ASIC2: variants seen among roughly 807,000 people sequenced by gnomAD.
ASIC2 encodes the protein acid-sensing ion channel 2.
A neutral mutation model predicts 57.3 loss-of-function variants in ASIC2; 25 were observed. That is an observed-to-expected ratio of 0.44 (90% CI 0.32 to 0.61). The LOEUF is 0.61. Among genes scored for constraint, ASIC2 ranks in the 20% least tolerant of loss-of-function variants. ASIC2 has a pLI of 0.06. For missense variants in ASIC2, 641 were observed against 738.1 expected, an observed-to-expected ratio of 0.87 and a Z score of 1.52; for synonymous variants, 319 against 307.5, an observed-to-expected ratio of 1.04 and a Z score of -0.39.
At chr17:33,123,648 C>A (rs1253265070) in intron 1 of ASIC2, among the ~76,000 whole-genome samples, 2 of 152,216 alleles carry the variant, frequency 1.3e-5, no homozygotes, top group Non-Finnish European at 2.9e-5. Context: ...TTGCAAAACT[C>A]TGCATTACTC....
intron 1 of ASIC2, among the ~76,000 whole-genome samples, chr17:34,044,507 C>T (rs984196358): frequency 8.5e-5 from 13 of 152,130 alleles, no homozygotes; most frequent in Non-Finnish European, 5.9e-5. Flanking sequence ...GCCAGGCGTT[C>T]CTAAAATGGT....
At chr17:33,112,748 G>C (rs765485698) in intron 1 of ASIC2, 1 of 152,018 alleles carries the variant, frequency 6.6e-6, no homozygotes, top group Non-Finnish European at 1.5e-5. Context: ...AGCGTTTTTT[G>C]ACTGCATCAC....
At chr17:33,155,022 T>C (rs9895456) in intron 1 of ASIC2, among the ~76,000 whole-genome samples, 58,726 of 152,032 alleles carry the variant, frequency 0.39, 11,783 homozygotes, top group African/African-American at 0.5. Context: ...TGCTGAGTTG[T>C]TGGCGGCGGC....
intron 1 of ASIC2, among the ~76,000 whole-genome samples, chr17:33,429,184 A>T (rs910757670): frequency 6.7e-6 from 1 of 149,014 alleles, no homozygotes; most frequent in African/African-American, 2.5e-5. Flanking sequence ...CATTTTAGAC[A>T]TTTTTTTTTT....
intron 1 of ASIC2, among the ~76,000 whole-genome samples, chr17:33,640,174 G>A (rs1324576800): frequency 1.3e-5 from 2 of 152,084 alleles, no homozygotes; most frequent in African/African-American, 2.4e-5. Flanking sequence ...TAAGAAAGAG[G>A]AAAGGCTGAA....
chr17:33,982,408 C>T (rs564822388), intron 1 of ASIC2, among the ~76,000 whole-genome samples: 153 of 152,300 alleles, frequency 1.0e-3, no homozygotes, highest in South Asian at 6.0e-3. Context: ...GTAACTTATG[C>T]TGGTGGGCCT....
At chr17:33,772,591 G>A (rs7211916) in intron 1 of ASIC2, among the ~76,000 whole-genome samples, 12,161 of 152,228 alleles carry the variant, frequency 0.08, 562 homozygotes, top group East Asian at 0.22. Flanking sequence ...TATGTAGTAT[G>A]TATACCTATA....
chr17:33,565,498 A>C (rs1916205668), intron 1 of ASIC2, among the ~76,000 whole-genome samples: 1 of 152,164 alleles, frequency 6.6e-6, no homozygotes, highest in Non-Finnish European at 1.5e-5. Context: ...GTTGTTTTCC[A>C]GAACAGTCCT....
chr17:33,563,528 G>A (rs1916141266), intron 1 of ASIC2, among the ~76,000 whole-genome samples: 1 of 152,314 alleles, frequency 6.6e-6, no homozygotes, highest in East Asian at 1.9e-4. Context: ...ACTAAATGCT[G>A]AAGGTACTCT....
chr17:33,701,410 A>C lies in ASIC2; in HGVS notation c.555+454568T>G, dbSNP rs891774447. Among the ~76,000 whole-genome samples the C allele has an allele frequency of 2.6e-5, 4 of 152,234 alleles. No homozygotes were observed. The South Asian group carries it at 8.3e-4, about 31-fold the overall frequency. On this transcript the variant is annotated intron_variant, in intron 1 of 9. Coordinates refer to the ASIC2 transcript ENST00000359872. ...AATCAGTAAATAAATAGCTTGCTGA[A>C]AATCAATAAATAAGGAAATAATTGT...
intron 1 of ASIC2, among the ~76,000 whole-genome samples, chr17:33,258,197 CATT>C (rs1327045398): frequency 1.3e-5 from 2 of 152,212 alleles, no homozygotes; most frequent in Admixed American, 6.5e-5. Context: ...TTCACAGCAT[CATT>C]AATTCAACGG....
At chr17:33,320,565 T>A (rs185008134) in intron 1 of ASIC2, among the ~76,000 whole-genome samples, 5 of 152,304 alleles carry the variant, frequency 3.3e-5, no homozygotes, top group Non-Finnish European at 5.9e-5. Flanking sequence ...GTGGACAGTA[T>A]CCTGTTTGAG....
At chr17:33,874,003 T>C (rs541034130) in intron 1 of ASIC2, among the ~76,000 whole-genome samples, 8 of 152,372 alleles carry the variant, frequency 5.3e-5, no homozygotes, top group African/African-American at 1.7e-4. Flanking sequence ...GTCTTTCTCA[T>C]CTCAGAAGAC....
intron 1 of ASIC2, among the ~76,000 whole-genome samples, chr17:33,897,115 T>C (rs73272378): frequency 0.022 from 3,371 of 152,292 alleles, 116 homozygotes; most frequent in African/African-American, 0.077. Flanking sequence ...AGGGATATTA[T>C]CACCAAATGG....
At chr17:33,704,642 A>T (rs572592764) in intron 1 of ASIC2, among the ~76,000 whole-genome samples, 1 of 152,346 alleles carries the variant, frequency 6.6e-6, no homozygotes, top group Non-Finnish European at 1.5e-5. Context: ...ACAGCTGTCA[A>T]CAAAACAAGG....
rs188874121 is a variant in ASIC2, at chr17:33,111,332, A to G, written c.859+585T>C. ...GGGTGCAAAGCCTGAGATAGTATAC[A>G]TGGTTTACGAATAGTTTGCTGAAGA... On this transcript the variant is annotated intron_variant, in intron 2 of 9. Transcript: ENST00000225823. Among the ~76,000 whole-genome samples, 607 of 152,320 alleles carry G rather than the reference A, an allele frequency of 4.0e-3. 1 individual carries two copies. Among genetic ancestry groups the G allele is most frequent in the Non-Finnish European group, 6.9e-3 (468 of 68,018 alleles).
chr17:33,750,190 G>A (rs543083820), intron 1 of ASIC2, among the ~76,000 whole-genome samples: 2 of 152,318 alleles, frequency 1.3e-5, no homozygotes, highest in African/African-American at 4.8e-5. Flanking sequence ...CAGGTGAGGG[G>A]TGAGCAGATG....
intron 1 of ASIC2, among the ~76,000 whole-genome samples, chr17:33,669,490 G>A (rs1907580008): frequency 6.6e-6 from 1 of 152,192 alleles, no homozygotes; most frequent in South Asian, 2.1e-4. Flanking sequence ...ACATGGAAGA[G>A]ATTCCTCATT....
chr17:33,801,482 A>G (rs1912131550), intron 1 of ASIC2, among the ~76,000 whole-genome samples: 2 of 152,142 alleles, frequency 1.3e-5, no homozygotes, highest in Non-Finnish European at 2.9e-5. Context: ...GTTTGGGTGG[A>G]GTCAGGGAGG....
Sources: gnomAD v4.1 joint callset for allele counts (sites outside exome capture counted in the v4.1 genomes callset) on GRCh38, gnomAD v4.1.1 for gene constraint, MANE v1.5 for transcripts, NCBI Gene and HGNC (gene_info 2026-07-23, HGNC 2026-07-21) for gene names.